The following SMYD3 variants were observed in gnomAD, a reference collection of about 807,000 sequenced individuals.
SMYD3 encodes the protein histone-lysine N-methyltransferase SMYD3.
SMYD3 carries 36 observed loss-of-function variants against 57.7 expected under a neutral mutation model. The ratio of observed to expected loss-of-function variants is 0.62; its 90% CI spans 0.48 to 0.82. The LOEUF (loss-of-function observed/expected upper bound fraction) is 0.82, where lower values mean the gene tolerates loss of function less well. SMYD3 is among the 40% of genes least tolerant of loss of function. The pLI is 0.00. For synonymous variants in SMYD3, 211 were observed against 195.0 expected (o/e 1.08, Z -0.68); for missense variants, 515 against 538.8 (o/e 0.96, Z 0.44).
chr1:245,891,310 A>C (rs4654162), intron 8 of SMYD3, among the ~76,000 whole-genome samples: 151,973 of 152,354 alleles, frequency 1, 75,801 homozygotes, highest in Middle Eastern at 1. Context: ...ACATTGTATG[A>C]CAGTATCAAA....
chr1:245,792,703 G>A (rs767687156), intron 10 of SMYD3, among the ~76,000 whole-genome samples: 11 of 152,080 alleles, frequency 7.2e-5, no homozygotes, highest in Non-Finnish European at 1.6e-4. Flanking sequence ...GTTGTCTATC[G>A]CTAACATATA....
At chr1:246,225,794 C>A (rs367725694) in intron 5 of SMYD3, among the ~76,000 whole-genome samples, 1 of 152,086 alleles carries the variant, frequency 6.6e-6, no homozygotes, top group African/African-American at 2.4e-5. Context: ...AGAGGTTTTG[C>A]GGAGGGATTC....
chr1:245,782,638 T>C (rs868122305), intron 10 of SMYD3, among the ~76,000 whole-genome samples: 1 of 152,216 alleles, frequency 6.6e-6, no homozygotes, highest in African/African-American at 2.4e-5. Flanking sequence ...AAATCAGTAA[T>C]TGAATGATTA....
chr1:245,909,043 TAAAC>T (rs1186827465), intron 8 of SMYD3, among the ~76,000 whole-genome samples: 3 of 151,394 alleles, frequency 2.0e-5, no homozygotes, highest in Non-Finnish European at 4.4e-5. Flanking sequence ...TTTGAAAAGA[TAAAC>T]AAAATTAATA....
intron 1 of SMYD3, among the ~76,000 whole-genome samples, chr1:246,421,865 G>A (rs2067148175): frequency 6.6e-6 from 1 of 152,206 alleles, no homozygotes; most frequent in African/African-American, 2.4e-5. Context: ...AAGAGCAGAA[G>A]ATGGATGTGC....
intron 1 of SMYD3, among the ~76,000 whole-genome samples, chr1:246,384,420 G>T (rs1200888531): frequency 6.6e-6 from 1 of 151,502 alleles, no homozygotes; most frequent in Non-Finnish European, 1.5e-5. Context: ...TTTTGAGACA[G>T]AGTCTCACTC....
At chr1:246,002,539 C>T (rs1156900862) in intron 5 of SMYD3, among the ~76,000 whole-genome samples, 2 of 110,818 alleles carry the variant, frequency 1.8e-5, no homozygotes, top group Admixed American at 9.7e-5. Context: ...AGGATGGTCT[C>T]GATCTCCTGA....
At chr1:245,824,108 T>G (rs1271911191) in intron 10 of SMYD3, among the ~76,000 whole-genome samples, 1 of 151,966 alleles carries the variant, frequency 6.6e-6, no homozygotes, top group Non-Finnish European at 1.5e-5. Context: ...CTACTTGGGG[T>G]GTCTGAAAGC....
chr1:245,870,531 G>T (rs2052128500), intron 8 of SMYD3, among the ~76,000 whole-genome samples: 1 of 152,088 alleles, frequency 6.6e-6, no homozygotes, highest in African/African-American at 2.4e-5. Flanking sequence ...AATCAGTGAG[G>T]CCACCTACAT....
At position 245,788,491 on chromosome 1, in the gene SMYD3, T is replaced by C. The variant is rs181810254; in HGVS notation, c.1077-24342A>G. Among the ~76,000 whole-genome samples, 318 of 152,262 alleles carry C rather than the reference T, an allele frequency of 2.1e-3. 1 individual carries two copies. Among genetic ancestry groups the C allele is most frequent in the African/African-American group, 7.2e-3 (299 of 41,546 alleles). On this transcript the variant is annotated intron_variant, in intron 10 of 11. Transcript: ENST00000490107. Reference sequence around the variant, plus strand: ...GTGGGGGATGCTTTACTTCCAATTATTGAAATGAATCACAGACTGTTTAGA... The same window carrying C: ...GTGGGGGATGCTTTACTTCCAATTACTGAAATGAATCACAGACTGTTTAGA...
At chr1:245,793,145 T>TA (rs1265646761) in intron 10 of SMYD3, among the ~76,000 whole-genome samples, 2 of 147,466 alleles carry the variant, frequency 1.4e-5, no homozygotes, top group South Asian at 4.5e-4. Context: ...CCGTCTCTAC[T>TA]AAAAATACAA....
chr1:245,836,238 T>A (rs1234973583), intron 10 of SMYD3, among the ~76,000 whole-genome samples: 3 of 152,156 alleles, frequency 2.0e-5, no homozygotes, highest in Non-Finnish European at 4.4e-5. Flanking sequence ...ATGAAGCCAG[T>A]GCTATGATAC....
At chr1:246,078,989 T>C (rs1160185974) in intron 5 of SMYD3, among the ~76,000 whole-genome samples, 1 of 152,010 alleles carries the variant, frequency 6.6e-6, no homozygotes. Flanking sequence ...ACAAATAAGA[T>C]GTCTACAAAA....
In SMYD3 at chr1:246,274,925, G is replaced by A. The variant is rs566778382; in HGVS notation, c.531+52276C>T. On this transcript the variant is annotated intron_variant, in intron 5 of 11. Transcript: ENST00000490107. ...TTTTATGGAATCTATCTTTACAATC[G>A]TATTTTTATGCAAAAAAACTCAATG... 5.3e-5 allele frequency among the ~76,000 whole-genome samples: 8 copies of A among 152,144 alleles called. No individual in the cohort carries two copies. The South Asian group carries it at 1.5e-3, about 28-fold the overall frequency.
At chr1:246,461,419 C>G (rs1036986749) in intron 1 of SMYD3, among the ~76,000 whole-genome samples, 1 of 151,944 alleles carries the variant, frequency 6.6e-6, no homozygotes, top group Non-Finnish European at 1.5e-5. Context: ...ATGTTAAAAT[C>G]CATAGTAAAA....
At chr1:245,976,861 T>TAGGGAAAGCCATCGTCTCTAGCCC (rs2058441463) in intron 5 of SMYD3, among the ~76,000 whole-genome samples, 1 of 10,252 alleles carries the variant, frequency 9.8e-5, no homozygotes, top group African/African-American at 2.4e-4. Context: ...GTCTCTAGCC[T>TAGGGAAAGCCATCGTCTCTAGCCC]AGGGAAAGCC....
At chr1:246,128,928 C>T (rs1282533184) in intron 5 of SMYD3, among the ~76,000 whole-genome samples, 2 of 152,046 alleles carry the variant, frequency 1.3e-5, no homozygotes, top group African/African-American at 4.8e-5. Context: ...CTCAGCCTCC[C>T]AAGTAGCTGG....
chr1:245,820,658 C>A (rs1261988683), intron 10 of SMYD3, among the ~76,000 whole-genome samples: 1 of 152,122 alleles, frequency 6.6e-6, no homozygotes, highest in Non-Finnish European at 1.5e-5. Context: ...ATCGTCTGAG[C>A]CCAAAATCTC....
chr1:245,980,607 A>T (rs1229536746), intron 5 of SMYD3, among the ~76,000 whole-genome samples: 1 of 152,208 alleles, frequency 6.6e-6, no homozygotes, highest in Non-Finnish European at 1.5e-5. Context: ...ATGCTTCCTC[A>T]CTGAGGCTTT....
Sources: gnomAD v4.1 joint callset for allele counts (sites outside exome capture counted in the v4.1 genomes callset) on GRCh38, gnomAD v4.1.1 for gene constraint, MANE v1.5 for transcripts, NCBI Gene and HGNC (gene_info 2026-07-23, HGNC 2026-07-21) for gene names.